The following PRKCE variants were observed in gnomAD, a reference collection of about 807,000 sequenced individuals.
The protein encoded by PRKCE is protein kinase C epsilon, also known as protein kinase C epsilon type.
A neutral mutation model predicts 85.4 loss-of-function variants in PRKCE; 16 were observed. That is an observed-to-expected ratio of 0.19 (90% CI 0.13 to 0.28). PRKCE has a LOEUF of 0.28. Ranked by LOEUF, PRKCE falls within the 10% of genes least tolerant of loss-of-function variation. The pLI is 1.00. For missense variants in PRKCE, 573 were observed against 975.2 expected, an observed-to-expected ratio of 0.59 and a Z score of 5.49; for synonymous variants, 388 against 371.5, an observed-to-expected ratio of 1.04 and a Z score of -0.51.
chr2:45,728,621 C>T (rs952513488), intron 1 of PRKCE, among the ~76,000 whole-genome samples: 2 of 152,206 alleles, frequency 1.3e-5, no homozygotes, highest in Non-Finnish European at 2.9e-5. Context: ...TGGAAGGAAC[C>T]TTCATTCTCA....
chr2:45,950,585 G>A (rs190566659), intron 2 of PRKCE, among the ~76,000 whole-genome samples: 1 of 152,112 alleles, frequency 6.6e-6, no homozygotes, highest in Non-Finnish European at 1.5e-5. Flanking sequence ...GTTTATGCTC[G>A]ACTGTGCCCC....
intron 1 of PRKCE, among the ~76,000 whole-genome samples, chr2:45,740,444 C>T (rs955520805): frequency 2.0e-5 from 3 of 152,130 alleles, no homozygotes; most frequent in Admixed American, 2.0e-4. Context: ...GTCTGGCATT[C>T]AGGGTTCAGC....
chr2:45,826,964 C>T (rs1689989044), intron 1 of PRKCE, among the ~76,000 whole-genome samples: 1 of 152,222 alleles, frequency 6.6e-6, no homozygotes, highest in Admixed American at 6.5e-5. Context: ...CCTGCGTCCT[C>T]ATGGGTGCCT....
intron 1 of PRKCE, among the ~76,000 whole-genome samples, chr2:45,822,156 A>G (rs1160137634): frequency 6.6e-6 from 1 of 152,218 alleles, no homozygotes; most frequent in Non-Finnish European, 1.5e-5. Flanking sequence ...CACACATATC[A>G]GTTTTTGTAG....
At chr2:45,930,027 C>T (rs764052086) in intron 2 of PRKCE, among the ~76,000 whole-genome samples, 96 of 152,188 alleles carry the variant, frequency 6.3e-4, no homozygotes, top group Non-Finnish European at 2.9e-4. Context: ...AACCAAAGGT[C>T]GTATATCATG....
At chr2:45,706,673 T>C (rs1028794601) in intron 1 of PRKCE, among the ~76,000 whole-genome samples, 4 of 152,218 alleles carry the variant, frequency 2.6e-5, no homozygotes, top group Non-Finnish European at 5.9e-5. Flanking sequence ...GGATTTTGTA[T>C]TGGCCGCCTG....
chr2:46,042,076 A>C (rs1708245300), intron 10 of PRKCE, among the ~76,000 whole-genome samples: 1 of 152,238 alleles, frequency 6.6e-6, no homozygotes, highest in African/African-American at 2.4e-5. Flanking sequence ...TACTGGGATT[A>C]CCAGCCAAGT....
chr2:46,186,328 T>C lies in PRKCE; in HGVS notation c.*1447T>C, dbSNP rs562645358. 5 of 152,774 alleles carry C rather than the reference T, an allele frequency of 3.3e-5. No individual in the cohort carries two copies. The highest frequency in any genetic ancestry group is 1.2e-4 in the African/African-American group (5 of 41,578). The allele number at this position is 152,774 out of a possible 1,614,324, so 9.5% of individuals were successfully genotyped here. ...CCCAGCTGCCCCTAAATATATATAC[T>C]TGTGAGTGGCAAAGTGGCACTAATG... On this transcript the variant is annotated 3_prime_UTR_variant, in exon 15 of 15. Coordinates refer to ENST00000306156, the MANE Select transcript of PRKCE (RefSeq NM_005400.3).
intron 10 of PRKCE, among the ~76,000 whole-genome samples, chr2:46,059,681 C>T (rs943131089): frequency 2.6e-5 from 4 of 152,098 alleles, no homozygotes; most frequent in Non-Finnish European, 4.4e-5. Context: ...AAGCCAGATG[C>T]CTAGAGTGTC....
intron 10 of PRKCE, among the ~76,000 whole-genome samples, chr2:46,019,911 G>A (rs541262920): frequency 1.8e-4 from 26 of 144,422 alleles, no homozygotes; most frequent in South Asian, 8.9e-4. Context: ...GTGCAACGGC[G>A]CAATCTCGGC....
intron 2 of PRKCE, among the ~76,000 whole-genome samples, chr2:45,899,795 CT>C (rs1199568608): frequency 6.6e-6 from 1 of 152,230 alleles, no homozygotes; most frequent in Non-Finnish European, 1.5e-5. Flanking sequence ...TGAAGTTCCA[CT>C]TGCTGTTGAC....
intron 1 of PRKCE, among the ~76,000 whole-genome samples, chr2:45,717,233 C>A (rs1019747847): frequency 6.6e-6 from 1 of 152,192 alleles, no homozygotes; most frequent in Non-Finnish European, 1.5e-5. Context: ...TCCCATTTGC[C>A]ACCCACAGTA....
intron 6 of PRKCE, among the ~76,000 whole-genome samples, chr2:45,991,413 C>A (rs1169168108): frequency 2.0e-5 from 3 of 152,180 alleles, no homozygotes; most frequent in African/African-American, 7.2e-5. Context: ...TAGAACAGTG[C>A]CTGCACACTG....
chr2:46,001,899 G>A lies in PRKCE; in HGVS notation c.966+353G>A, dbSNP rs565599233. 2.0e-5 allele frequency among the ~76,000 whole-genome samples: 3 copies of A among 152,324 alleles called. No homozygotes were observed. The highest frequency in any genetic ancestry group is 2.0e-4 in the Admixed American group (3 of 15,302). Reference sequence around the variant, plus strand: ...GAACTGGCATGAAAGCAATGTCAGTGTCTGAACTTCACCCTTGGTATCATT... The same window carrying A: ...GAACTGGCATGAAAGCAATGTCAGTATCTGAACTTCACCCTTGGTATCATT... On this transcript the variant is annotated intron_variant, in intron 7 of 14. Transcript: ENST00000306156. The surrounding 1 kb of genome is among the most constrained non-coding windows in gnomAD (Gnocchi z 4.4).
At chr2:45,882,817 C>T (rs62127253) in intron 2 of PRKCE, among the ~76,000 whole-genome samples, 45,770 of 152,214 alleles carry the variant, frequency 0.3, 7,809 homozygotes, top group East Asian at 0.55. Context: ...GTGTTACCTC[C>T]GAGTCTGCCG....
At chr2:45,802,339 C>T (rs539124894) in intron 1 of PRKCE, among the ~76,000 whole-genome samples, 2 of 152,264 alleles carry the variant, frequency 1.3e-5, no homozygotes, top group South Asian at 4.1e-4. Context: ...CTTTCAATTT[C>T]TAAGAATTCC....
At chr2:45,713,111 C>T (rs777429648) in intron 1 of PRKCE, among the ~76,000 whole-genome samples, 1 of 152,182 alleles carries the variant, frequency 6.6e-6, no homozygotes, top group African/African-American at 2.4e-5. Context: ...CTCCCTGGGC[C>T]TCAGTTTCTT....
At chr2:46,105,165 T>G (rs981905752) in intron 11 of PRKCE, among the ~76,000 whole-genome samples, 1 of 152,136 alleles carries the variant, frequency 6.6e-6, no homozygotes, top group Non-Finnish European at 1.5e-5. Context: ...TCCTGTTATC[T>G]TGACATTTTT....
At chr2:45,842,316 G>A (rs1691419670) in intron 1 of PRKCE, among the ~76,000 whole-genome samples, 2 of 152,078 alleles carry the variant, frequency 1.3e-5, no homozygotes, top group African/African-American at 2.4e-5. Context: ...CTGATTTCAG[G>A]TTCGTCAGAT....
Sources: gnomAD v4.1 joint callset for allele counts (sites outside exome capture counted in the v4.1 genomes callset) on GRCh38, gnomAD v4.1.1 for gene constraint, Gnocchi (gnomAD v3.1) non-coding constraint, MANE v1.5 for transcripts, NCBI Gene and HGNC (gene_info 2026-07-23, HGNC 2026-07-21) for gene names.